Variants in PIP5K1B observed in about 807,000 individuals in gnomAD.
PIP5K1B encodes phosphatidylinositol-4-phosphate 5-kinase type 1 beta, also known as phosphatidylinositol 4-phosphate 5-kinase type-1 beta.
Under a neutral mutation model 67.0 loss-of-function variants are expected in PIP5K1B, and 42 were observed. The observed-to-expected ratio is 0.63, with a 90% CI of 0.49 to 0.81. The LOEUF (loss-of-function observed/expected upper bound fraction) is 0.81. Ranked by LOEUF, PIP5K1B falls within the 30% of genes least tolerant of loss-of-function variation. The pLI is 0.00. For synonymous variants in PIP5K1B, 214 were observed against 231.4 expected (o/e 0.92, Z 0.68); for missense variants, 459 against 646.3 (o/e 0.71, Z 3.14).
At chr9:68,950,141 G>A (rs1239199721) in intron 14 of PIP5K1B, among the ~76,000 whole-genome samples, 3 of 152,184 alleles carry the variant, frequency 2.0e-5, no homozygotes, top group African/African-American at 7.2e-5. Flanking sequence ...CCTCTGACCT[G>A]AAGCCAACAT....
intron 2 of PIP5K1B, among the ~76,000 whole-genome samples, chr9:68,808,472 G>GA (rs1832990087): frequency 6.6e-6 from 1 of 151,984 alleles, no homozygotes; most frequent in African/African-American, 2.4e-5. Flanking sequence ...TATGTAAAAT[G>GA]AAAATCATTG....
chr9:68,965,209 A>G (rs1177509997), intron 14 of PIP5K1B, among the ~76,000 whole-genome samples: 1 of 10,632 alleles, frequency 9.4e-5, no homozygotes, highest in African/African-American at 1.1e-4. Context: ...TGAGATAAGA[A>G]AATATATATG....
chr9:69,007,381 G>C (rs1831129940), intron 15 of PIP5K1B, among the ~76,000 whole-genome samples: 1 of 152,046 alleles, frequency 6.6e-6, no homozygotes. Context: ...CACATGCCAG[G>C]TACAGTACTC....
intron 14 of PIP5K1B, among the ~76,000 whole-genome samples, chr9:68,987,356 C>A (rs1163656141): frequency 6.6e-6 from 1 of 151,676 alleles, no homozygotes; most frequent in Non-Finnish European, 1.5e-5. Context: ...TTGAGGCCAG[C>A]AGTTCAAGAC....
At chr9:68,783,831 G>A (rs1157551154) in intron 2 of PIP5K1B, 1 of 167,052 alleles carries the variant, frequency 6.0e-6, no homozygotes, top group East Asian at 1.9e-4. Flanking sequence ...ACAGCAACTA[G>A]AGTCATTCTT....
chr9:68,714,922 A>C (rs146339712), intron 1 of PIP5K1B, among the ~76,000 whole-genome samples: 172 of 152,234 alleles, frequency 1.1e-3, no homozygotes, highest in Non-Finnish European at 2.1e-3. Flanking sequence ...CTCTACTTCC[A>C]CAGTTGCTTA....
chr9:68,898,200 G>A (rs1241087827), intron 8 of PIP5K1B, among the ~76,000 whole-genome samples: 1 of 152,136 alleles, frequency 6.6e-6, no homozygotes, highest in Non-Finnish European at 1.5e-5. Flanking sequence ...CTTCTTTTAT[G>A]CCTCAACCCT....
chr9:68,929,534 CTTTT>C (rs531527521), intron 12 of PIP5K1B, among the ~76,000 whole-genome samples: 30 of 152,266 alleles, frequency 2.0e-4, no homozygotes, highest in African/African-American at 7.0e-4. Flanking sequence ...TGCTGTCTCA[CTTTT>C]TTTATTTCTT....
chr9:68,923,050 T>A (rs919671039), intron 11 of PIP5K1B, among the ~76,000 whole-genome samples: 24 of 152,300 alleles, frequency 1.6e-4, no homozygotes, highest in Admixed American at 5.9e-4. Context: ...TAGCACAGTT[T>A]TTTTTGCTGA....
chr9:68,782,859 T>G (rs955942528), intron 2 of PIP5K1B: 6 of 167,114 alleles, frequency 3.6e-5, no homozygotes, highest in African/African-American at 1.2e-4. Flanking sequence ...TGTTCTTGCA[T>G]TAGCTCAATT....
At chr9:68,757,524 C>T (rs1829986452) in intron 2 of PIP5K1B, among the ~76,000 whole-genome samples, 1 of 152,084 alleles carries the variant, frequency 6.6e-6, no homozygotes, top group African/African-American at 2.4e-5. Context: ...CTCTTTCTCT[C>T]TGAAAGAGTC....
At chr9:68,765,465 C>G (rs1443997243) in intron 2 of PIP5K1B, among the ~76,000 whole-genome samples, 1 of 151,942 alleles carries the variant, frequency 6.6e-6, no homozygotes, top group African/African-American at 2.4e-5. Flanking sequence ...AATGGTCGTT[C>G]TCTTGTCTGA....
intron 14 of PIP5K1B, among the ~76,000 whole-genome samples, chr9:68,972,531 CT>C (rs370696097): frequency 6.6e-5 from 10 of 152,252 alleles, no homozygotes; most frequent in African/African-American, 2.2e-4. Context: ...GTCCCAGTTA[CT>C]TGGGAGCGTA....
intron 15 of PIP5K1B, among the ~76,000 whole-genome samples, chr9:69,005,474 G>A (rs995810923): frequency 6.6e-6 from 1 of 152,054 alleles, no homozygotes; most frequent in South Asian, 2.1e-4. Flanking sequence ...CACAACCTCC[G>A]CCTCCCAGGT....
At chr9:68,789,984 G>T (rs556185910) in intron 2 of PIP5K1B, among the ~76,000 whole-genome samples, 33 of 152,182 alleles carry the variant, frequency 2.2e-4, no homozygotes, top group African/African-American at 7.7e-4. Flanking sequence ...TATATAAACA[G>T]AGCTATGTTT....
At chr9:68,914,587 C>T (rs1470191372) in intron 8 of PIP5K1B, among the ~76,000 whole-genome samples, 9 of 152,072 alleles carry the variant, frequency 5.9e-5, no homozygotes, top group African/African-American at 9.6e-5. Flanking sequence ...TGGTGGCAGG[C>T]GCCTGTAGTC....
At chr9:68,806,221 C>G (rs778907958) in intron 2 of PIP5K1B, among the ~76,000 whole-genome samples, 2 of 152,230 alleles carry the variant, frequency 1.3e-5, no homozygotes, top group Admixed American at 6.5e-5. Context: ...GAAAGCTGCT[C>G]TGAGAACTCC....
At chr9:68,857,555 G>A (rs1428825126) in intron 4 of PIP5K1B, among the ~76,000 whole-genome samples, 1 of 152,146 alleles carries the variant, frequency 6.6e-6, no homozygotes, top group African/African-American at 2.4e-5. Flanking sequence ...CCTGGAGCTG[G>A]GTTTGAGCTG....
intron 6 of PIP5K1B, among the ~76,000 whole-genome samples, chr9:68,888,676 T>C (rs17058634): frequency 0.098 from 14,862 of 152,268 alleles, 856 homozygotes; most frequent in Non-Finnish European, 0.14. Context: ...CAAAGCACCT[T>C]AGTCAACACA....
Sources: allele counts gnomAD v4.1 joint callset (sites outside exome capture counted in the v4.1 genomes callset), GRCh38; gene constraint gnomAD v4.1.1; transcripts MANE v1.5; gene names NCBI Gene and HGNC (gene_info 2026-07-23, HGNC 2026-07-21).